STON2: variants seen among roughly 807,000 people sequenced by gnomAD.
STON2 encodes stonin-2.
A neutral mutation model predicts 65.7 loss-of-function variants in STON2; 29 were observed. The ratio of observed to expected loss-of-function variants is 0.44; its 90% confidence interval spans 0.33 to 0.60. The LOEUF (loss-of-function observed/expected upper bound fraction) is 0.60, where lower values mean the gene tolerates loss of function less well. Among genes scored for constraint, STON2 ranks in the 20% least tolerant of loss-of-function variants. STON2 has a pLI of 0.03. For missense variants in STON2, 1,054 were observed against 1,118.1 expected (o/e 0.94, Z 0.82); for synonymous variants, 404 against 414.2 (o/e 0.98, Z 0.30).
Position 81,264,367 on chromosome 14 carries a change from T to G in STON2, c.*4047A>C. 1 of 982,610 alleles carries G rather than the reference T, an allele frequency of 1.0e-6. No homozygotes were observed. The highest frequency in any genetic ancestry group is 1.2e-6 in the Non-Finnish European group (1 of 827,334). The allele number at this position is 982,610 out of a possible 1,614,324, so 60.9% of individuals were successfully genotyped here. A position where few individuals can be genotyped will look rare whatever the true frequency, so the allele number is the denominator to read the frequency against. ...TTTATTATGAGTATTTGATGATAAG[T>G]AAGGGTTAAGTAGCCTTCGAGTCTC... On this transcript the variant is annotated 3_prime_UTR_variant, in exon 8 of 8. Transcript: ENST00000614646.
chr14:81,270,495 T>C lies in STON2; in HGVS notation c.2784+175A>G, dbSNP rs1330964414. The C allele has an allele frequency of 2.6e-6, 4 of 1,512,500 alleles. No homozygotes were observed. The East Asian group carries it at 9.2e-5, about 35-fold the overall frequency. 93.7% of individuals were successfully genotyped at this position (1,512,500 alleles called of 1,614,324 possible). On this transcript the variant is annotated intron_variant, in intron 7 of 7. Transcript: ENST00000614646. Reference sequence around the variant, plus strand: ...ACCTTTCTCTCATCCACTAGCCAGATTATGCATTTAAATCAGAGCAGACGC... The same window carrying C: ...ACCTTTCTCTCATCCACTAGCCAGACTATGCATTTAAATCAGAGCAGACGC...
chr14:81,391,020 C>T (rs922737800), intron 3 of STON2, among the ~76,000 whole-genome samples: 12 of 152,180 alleles, frequency 7.9e-5, no homozygotes, highest in African/African-American at 2.4e-4. Context: ...TAAGCAAAAT[C>T]GCCCTCTGCC....
chr14:81,287,017 T>C (rs1189032254), intron 5 of STON2, among the ~76,000 whole-genome samples: 1 of 152,180 alleles, frequency 6.6e-6, no homozygotes, highest in Non-Finnish European at 1.5e-5. Context: ...GGAACATTTT[T>C]CAACAGGGAA....
chr14:81,397,431 TA>T (rs917317073), intron 2 of STON2, among the ~76,000 whole-genome samples: 1 of 152,242 alleles, frequency 6.6e-6, no homozygotes, highest in African/African-American at 2.4e-5. Flanking sequence ...ATTAGCTATT[TA>T]ATTTTTTTAA....
chr14:81,287,971 C>T (rs1340115541), intron 5 of STON2, among the ~76,000 whole-genome samples: 5 of 152,318 alleles, frequency 3.3e-5, no homozygotes, highest in Middle Eastern at 3.4e-3. Context: ...TGGTCTGATA[C>T]GGCAAACACC....
At chr14:81,326,034 G>T (rs1428604620) in intron 4 of STON2, among the ~76,000 whole-genome samples, 1 of 152,030 alleles carries the variant, frequency 6.6e-6, no homozygotes, top group Non-Finnish European at 1.5e-5. Context: ...AACAACCCCA[G>T]CAATCAGTTG....
chr14:81,329,328 G>A (rs1241450946), intron 4 of STON2, among the ~76,000 whole-genome samples: 3 of 151,968 alleles, frequency 2.0e-5, no homozygotes, highest in Admixed American at 6.5e-5. Context: ...GGTGGCAGGC[G>A]CCTGTAGTCC....
chr14:81,273,044 T>C (rs1894662859), intron 6 of STON2, among the ~76,000 whole-genome samples: 1 of 152,194 alleles, frequency 6.6e-6, no homozygotes, highest in African/African-American at 2.4e-5. Context: ...TACAGATGCA[T>C]CTCTTAATTT....
At chr14:81,372,363 G>T (rs1227393184) in intron 3 of STON2, among the ~76,000 whole-genome samples, 1 of 151,986 alleles carries the variant, frequency 6.6e-6, no homozygotes, top group Non-Finnish European at 1.5e-5. Context: ...AGACCAGCCT[G>T]CCAATATGGC....
Position 81,263,013 on chromosome 14 carries a change from C to A in STON2, c.*5401G>T. ...CATCTTTAGAAACTTGGTGAGAATG[C>A]CCTAATTTTATGTAAAGGGTCGTCA... On this transcript the variant is annotated 3_prime_UTR_variant, in exon 8 of 8. Transcript: ENST00000614646. 1.0e-6 allele frequency: 1 copy of A among 985,354 alleles called. No homozygotes were observed. 61.0% of individuals were successfully genotyped at this position (985,354 alleles called of 1,614,324 possible). A position where few individuals can be genotyped will look rare whatever the true frequency, so the allele number is the denominator to read the frequency against.
chr14:81,360,907 A>T (rs996793025), intron 4 of STON2, among the ~76,000 whole-genome samples: 29 of 152,312 alleles, frequency 1.9e-4, no homozygotes, highest in African/African-American at 6.3e-4. Context: ...CAAGAGAACA[A>T]TTCCATTTAC....
At chr14:81,361,987 A>G (rs1193887575) in intron 4 of STON2, among the ~76,000 whole-genome samples, 2 of 152,294 alleles carry the variant, frequency 1.3e-5, no homozygotes, top group Admixed American at 6.5e-5. Context: ...AAGATTAAAT[A>G]TAACTAGCGT....
upstream of STON2, among the ~76,000 whole-genome samples, chr14:81,401,346 C>A (rs1900603681): frequency 6.6e-6 from 1 of 152,154 alleles, no homozygotes; most frequent in East Asian, 1.9e-4. Context: ...TGTCCCAGAC[C>A]AGACATGGGC....
Position 81,324,061 on chromosome 14 carries a change from C to T in STON2, c.698G>A (p.Ser233Asn), listed in dbSNP as rs1293510238. Among the ~76,000 whole-genome samples, 1 of 152,260 alleles carries T rather than the reference C, an allele frequency of 6.6e-6. No homozygotes were observed. The highest frequency in any genetic ancestry group is 6.5e-5 in the Admixed American group (1 of 15,290). The stretch of plus-strand genomic sequence containing the variant: ...CTCCGGACCCTCGCCGGGGTTCTGG[C>T]TCCTCTTGGGCTGGGGTGAGGGTGG... ...PSPPSPQPKR[S>N]QNPGEGPEGA... Residue 233 changes from serine to asparagine, a missense_variant, in exon 5 of 8, where the codon AGC becomes AAC. Coordinates refer to ENST00000614646, the MANE Select transcript of STON2 (RefSeq NM_001394390.1).
chr14:81,331,285 T>C (rs914287176), intron 4 of STON2, among the ~76,000 whole-genome samples: 2 of 152,232 alleles, frequency 1.3e-5, no homozygotes, highest in African/African-American at 4.8e-5. Context: ...GCCCCATGTG[T>C]CTTTGGAAAT....
chr14:81,406,269 T>C (rs1034743973), intron 2 of STON2, among the ~76,000 whole-genome samples: 1 of 152,196 alleles, frequency 6.6e-6, no homozygotes, highest in Non-Finnish European at 1.5e-5. Context: ...ATCTATCCTA[T>C]TAATTCTGTC....
chr14:81,313,896 C>G (rs1183465768), intron 5 of STON2, among the ~76,000 whole-genome samples: 1 of 150,990 alleles, frequency 6.6e-6, no homozygotes, highest in Non-Finnish European at 1.5e-5. Context: ...AAGAAAATAA[C>G]AGATTTATTA....
chr14:81,370,861 G>A (rs1898951639), intron 4 of STON2, 127 bp downstream of exon 4: 3 of 835,428 alleles, frequency 3.6e-6, no homozygotes, highest in Non-Finnish European at 3.7e-6. Flanking sequence ...CTTTTTGACT[G>A]GATAACAACA....
intron 4 of STON2, among the ~76,000 whole-genome samples, chr14:81,327,183 A>G (rs994497702): frequency 6.6e-6 from 1 of 152,192 alleles, no homozygotes; most frequent in African/African-American, 2.4e-5. Flanking sequence ...GTGAATTATA[A>G]TTATTTAATA....
Sources: allele counts gnomAD v4.1 joint callset (sites outside exome capture counted in the v4.1 genomes callset), GRCh38; gene constraint gnomAD v4.1.1; transcripts MANE v1.5; gene names NCBI Gene and HGNC (gene_info 2026-07-23, HGNC 2026-07-21).